CNTNAP5: variants seen among roughly 807,000 people sequenced by gnomAD.
CNTNAP5 encodes contactin associated protein family member 5.
CNTNAP5 carries 72 observed loss-of-function variants against 150.2 expected under a neutral mutation model. That is an observed-to-expected ratio of 0.48 (90% CI 0.40 to 0.58). The LOEUF (loss-of-function observed/expected upper bound fraction) is 0.58. Among genes scored for constraint, CNTNAP5 ranks in the 20% least tolerant of loss-of-function variants. The pLI is 0.00. For synonymous variants in CNTNAP5, 672 were observed against 619.8 expected (o/e 1.08, Z -1.25); for missense variants, 1,636 against 1,626.2 (o/e 1.01, Z -0.10).
At chr2:124,084,924 G>GTTT (rs71394021) in intron 1 of CNTNAP5, among the ~76,000 whole-genome samples, 13 of 89,994 alleles carry the variant, frequency 1.4e-4, no homozygotes, top group Admixed American at 1.7e-4. Flanking sequence ...CAAGTTTCCT[G>GTTT]TTTTTTTTTT....
At chr2:124,533,640 A>T (rs956245153) in intron 10 of CNTNAP5, among the ~76,000 whole-genome samples, 1 of 152,176 alleles carries the variant, frequency 6.6e-6, no homozygotes, top group Admixed American at 6.5e-5. Flanking sequence ...CCTTTCTCCA[A>T]AGAGGTGTTG....
At position 124,634,730 on chromosome 2, in the gene CNTNAP5, G is replaced by A. The variant is rs13001870; in HGVS notation, c.1877-13028G>A. 8.3e-3 allele frequency among the ~76,000 whole-genome samples: 1,265 copies of A among 151,914 alleles called. 25 individuals carry two copies. Among genetic ancestry groups the A allele is most frequent in the African/African-American group, 0.028 (1,176 of 41,430 alleles). The stretch of plus-strand genomic sequence containing the variant: ...TGTTGCTCAGGCTGGTCTCAAACTC[G>A]TGAGCTCAAGTGATTCATCCACCTA... On this transcript the variant is annotated intron_variant, in intron 12 of 23. Transcript: ENST00000682447.
chr2:124,813,763 C>T (rs994208924), intron 19 of CNTNAP5, among the ~76,000 whole-genome samples: 3 of 151,876 alleles, frequency 2.0e-5, no homozygotes, highest in Non-Finnish European at 4.4e-5. Flanking sequence ...TCTTTCTCAC[C>T]CCTCTGGAGT....
At chr2:124,333,774 T>A (rs1689406734) in intron 3 of CNTNAP5, among the ~76,000 whole-genome samples, 1 of 152,172 alleles carries the variant, frequency 6.6e-6, no homozygotes, top group Non-Finnish European at 1.5e-5. Context: ...TTCTGGGGCC[T>A]AATACTTATA....
intron 1 of CNTNAP5, among the ~76,000 whole-genome samples, chr2:124,056,659 A>G (rs1681854972): frequency 6.6e-6 from 1 of 151,954 alleles, no homozygotes; most frequent in African/African-American, 2.4e-5. Flanking sequence ...AACAACAAGA[A>G]CAACAACAAC....
At chr2:124,899,223 T>A (rs1450042147) in intron 21 of CNTNAP5, among the ~76,000 whole-genome samples, 1 of 151,588 alleles carries the variant, frequency 6.6e-6, no homozygotes, top group Non-Finnish European at 1.5e-5. Context: ...AAATTTGATT[T>A]ATATTATTGT....
At chr2:124,701,566 G>A (rs889029932) in intron 13 of CNTNAP5, among the ~76,000 whole-genome samples, 1 of 152,008 alleles carries the variant, frequency 6.6e-6, no homozygotes, top group Non-Finnish European at 1.5e-5. Flanking sequence ...TAGGTTGTAT[G>A]GTAGTTTTAT....
intron 11 of CNTNAP5, among the ~76,000 whole-genome samples, chr2:124,578,785 G>GTAAA (rs530725325): frequency 0.011 from 1,626 of 151,598 alleles, 19 homozygotes; most frequent in African/African-American, 0.025. Context: ...AAATAAATAA[G>GTAAA]TAAATAAATA....
intron 3 of CNTNAP5, among the ~76,000 whole-genome samples, chr2:124,263,302 C>A (rs1016259393): frequency 2.6e-5 from 4 of 152,166 alleles, no homozygotes; most frequent in African/African-American, 7.2e-5. Flanking sequence ...ACATCCTCTC[C>A]AGCACCTGTT....
intron 1 of CNTNAP5, among the ~76,000 whole-genome samples, chr2:124,034,775 A>G (rs1486243199): frequency 6.6e-6 from 1 of 152,104 alleles, no homozygotes; most frequent in African/African-American, 2.4e-5. Flanking sequence ...GTGTGTGACA[A>G]TGTTCTCAGC....
At chr2:124,556,708 G>A (rs1309675111) in intron 10 of CNTNAP5, among the ~76,000 whole-genome samples, 1 of 152,090 alleles carries the variant, frequency 6.6e-6, no homozygotes, top group African/African-American at 2.4e-5. Context: ...CAGCCAGCAG[G>A]AATTGCTCAC....
In CNTNAP5 at chr2:124,366,966, G is replaced by T. The variant is rs184545522; in HGVS notation, c.382-50477G>T. Among the ~76,000 whole-genome samples, 12 of 152,292 alleles carry T rather than the reference G, an allele frequency of 7.9e-5. No individual in the cohort carries two copies. In the East Asian group the frequency reaches 2.3e-3, roughly 30 times the overall value. ...TAAGACACCCCTCAGCTGAGCCTCA[G>T]TCTGGAGGGGAATCTGGGCCACACA... On this transcript the variant is annotated intron_variant, in intron 3 of 23. Coordinates refer to ENST00000682447, the MANE Select transcript of CNTNAP5 (RefSeq NM_001367498.1).
chr2:124,885,055 G>A (rs1180429652), intron 21 of CNTNAP5, among the ~76,000 whole-genome samples: 1 of 151,998 alleles, frequency 6.6e-6, no homozygotes, highest in Non-Finnish European at 1.5e-5. Flanking sequence ...AATATATTGA[G>A]ATTTATTGCA....
At chr2:124,826,754 T>C (rs1682601751) in intron 19 of CNTNAP5, among the ~76,000 whole-genome samples, 1 of 152,108 alleles carries the variant, frequency 6.6e-6, no homozygotes, top group African/African-American at 2.4e-5. Context: ...TCTGCTATTA[T>C]AGCCAGACAC....
chr2:124,519,475 G>A (rs1694805932), intron 8 of CNTNAP5, among the ~76,000 whole-genome samples: 1 of 152,102 alleles, frequency 6.6e-6, no homozygotes, highest in Admixed American at 6.5e-5. Context: ...GGGCTGGCTG[G>A]AGTTGCCAGC....
intron 4 of CNTNAP5, among the ~76,000 whole-genome samples, chr2:124,431,661 A>T (rs541434265): frequency 9.1e-4 from 132 of 145,510 alleles, no homozygotes; most frequent in African/African-American, 3.2e-3. Context: ...CATTATATAT[A>T]ATTTCTTTAT....
chr2:124,213,545 C>T (rs1218930983), intron 1 of CNTNAP5, among the ~76,000 whole-genome samples: 1 of 152,068 alleles, frequency 6.6e-6, no homozygotes, highest in Non-Finnish European at 1.5e-5. Context: ...GAAATCTGTC[C>T]AGCCTGACCC....
intron 13 of CNTNAP5, among the ~76,000 whole-genome samples, chr2:124,663,454 G>A (rs943631653): frequency 6.6e-6 from 1 of 152,158 alleles, no homozygotes; most frequent in Non-Finnish European, 1.5e-5. Flanking sequence ...AAGATAAGAA[G>A]AAAATCAGAA....
At chr2:124,621,221 T>G (rs2104997111) in intron 12 of CNTNAP5, among the ~76,000 whole-genome samples, 1 of 152,264 alleles carries the variant, frequency 6.6e-6, no homozygotes, top group South Asian at 2.1e-4. Flanking sequence ...AATTGTACAT[T>G]GATATGCAAA....
Sources: allele counts gnomAD v4.1 joint callset (sites outside exome capture counted in the v4.1 genomes callset), GRCh38; gene constraint gnomAD v4.1.1; transcripts MANE v1.5; gene names NCBI Gene and HGNC (gene_info 2026-07-23, HGNC 2026-07-21).